ELFN2: variants seen among roughly 807,000 people sequenced by gnomAD.
The protein encoded by ELFN2 is extracellular leucine rich repeat and fibronectin type III domain containing 2.
A neutral mutation model predicts 45.5 loss-of-function variants in ELFN2; 17 were observed. The ratio of observed to expected loss-of-function variants is 0.37; its 90% CI spans 0.26 to 0.56. The LOEUF (loss-of-function observed/expected upper bound fraction) is 0.56. Ranked by LOEUF, ELFN2 falls within the 20% of genes least tolerant of loss-of-function variation. ELFN2 has a pLI of 0.77. For missense variants in ELFN2, 922 were observed against 1,183.2 expected (o/e 0.78, Z 3.24); for synonymous variants, 550 against 551.5 (o/e 1.00, Z 0.04).
intron 1 of ELFN2, among the ~76,000 whole-genome samples, chr22:37,358,404 G>A (rs1931000690): frequency 6.6e-6 from 1 of 152,206 alleles, no homozygotes; most frequent in Non-Finnish European, 1.5e-5. Context: ...AGGTCCGCCG[G>A]GGCGAGCCTC....
chr22:37,345,699 C>T lies in ELFN2; in HGVS notation n.149-2996G>A, dbSNP rs192234179. Among the ~76,000 whole-genome samples, 495 of 152,218 alleles carry T rather than the reference C, an allele frequency of 3.3e-3. 4 individuals are homozygous for T. Among genetic ancestry groups the T allele is most frequent in the African/African-American group, 0.011 (470 of 41,520 alleles). On this transcript the variant is annotated intron_variant and non_coding_transcript_variant, in intron 1 of 2. Transcript: ENST00000452946. Reference sequence around the variant, plus strand: ...AGTAGCTGGGACTAGAGGTGCGTGCCACCACGCCCAGCTAATTTTTGTATT... The same window carrying T: ...AGTAGCTGGGACTAGAGGTGCGTGCTACCACGCCCAGCTAATTTTTGTATT...
At chr22:37,411,615 GC>G (rs1388472788) in intron 2 of ELFN2, among the ~76,000 whole-genome samples, 10 of 152,106 alleles carry the variant, frequency 6.6e-5, no homozygotes, top group African/African-American at 2.2e-4. Flanking sequence ...CTTCATCTCT[GC>G]CTCCCAGCTT....
rs980701150 is a variant in ELFN2, at chr22:37,427,442, C to CTGTG, written c.-762_-759dup. ...TGGCCGTGGGGTGGCCCGCGTGTGT[C>CTGTG]TGTGTGTGTGTCTGGGAGCGCGCGT... is the stretch of plus-strand genomic sequence containing the variant. On this transcript the variant is annotated 5_prime_UTR_variant, in exon 1 of 3. Coordinates refer to ENST00000402918, the MANE Select transcript of ELFN2 (RefSeq NM_052906.5). 2.6e-5 allele frequency: 4 copies of CTGTG among 152,808 alleles called. No individual in the cohort carries two copies. Among genetic ancestry groups the CTGTG allele is most frequent in the Non-Finnish European group, 4.4e-5 (3 of 68,570 alleles). 9.5% of individuals were successfully genotyped at this position (152,808 alleles called of 1,614,324 possible).
chr22:37,405,089 C>CTTTTTTT lies in ELFN2; in HGVS notation c.-463+12679_-463+12680insAAAAAAA, dbSNP rs1491573989. Reference sequence around the variant, plus strand: ...GGCCCCTCACCTCCCTGAACCTCAGCATTTTTTTTTTTTTTTTTTTTTTGA... The same window carrying CTTTTTTT: ...GGCCCCTCACCTCCCTGAACCTCAGCTTTTTTTATTTTTTTTTTTTTTTTTTTTTTGA... On this transcript the variant is annotated intron_variant, in intron 2 of 2. Transcript: ENST00000402918. Among the ~76,000 whole-genome samples, 131 of 121,492 alleles carry CTTTTTTT rather than the reference C, an allele frequency of 1.1e-3. 8 individuals are homozygous for CTTTTTTT. Among genetic ancestry groups the CTTTTTTT allele is most frequent in the Middle Eastern group, 4.7e-3 (1 of 212 alleles). The allele number at this position is 121,492 out of a possible 152,430, so 79.7% of individuals were successfully genotyped here. A position where few individuals can be genotyped will look rare whatever the true frequency, so the allele number is the denominator to read the frequency against.
chr22:37,342,187 G>A (rs572799151), intron 2 of ELFN2, among the ~76,000 whole-genome samples: 14 of 152,288 alleles, frequency 9.2e-5, no homozygotes, highest in South Asian at 8.3e-4. Context: ...GAAGAGGCAC[G>A]GAGAAGCGGA....
chr22:37,362,262 T>C (rs1444676451), intron 1 of ELFN2, among the ~76,000 whole-genome samples: 1 of 152,202 alleles, frequency 6.6e-6, no homozygotes, highest in Non-Finnish European at 1.5e-5. Context: ...CCCTTAATCC[T>C]GGTGCCACCT....
chr22:37,345,836 A>G (rs1451793181), intron 1 of ELFN2, among the ~76,000 whole-genome samples: 1 of 151,980 alleles, frequency 6.6e-6, no homozygotes, highest in African/African-American at 2.4e-5. Flanking sequence ...ATGAGCCACC[A>G]CACCCGGCCA....
chr22:37,374,742 C>G lies in ELFN2; in HGVS notation c.793G>C (p.Ala265Pro). 1 of 1,611,210 alleles carries G rather than the reference C, an allele frequency of 6.2e-7. No homozygotes were observed. The highest frequency in any genetic ancestry group is 8.5e-7 in the Non-Finnish European group (1 of 1,179,012). Residue 265 changes from alanine to proline, a missense_variant, in exon 3 of 3, where the codon GCC becomes CCC. By Grantham distance (27) the Ala-to-Pro change is conservative (BLOSUM62 -1). Coordinates refer to ENST00000402918, the MANE Select transcript of ELFN2 (RefSeq NM_052906.5). The stretch of plus-strand genomic sequence containing the variant: ...GAGTTCTCGTCTGGCTCCCTCTGGG[C>G]GTCGGTGGAGTAGGGCGTGGGGTGG... ...VSHPTPYSTD[A>P]QREPDENSGF...
chr22:37,359,274 G>A (rs1931023678), intron 1 of ELFN2, among the ~76,000 whole-genome samples: 1 of 152,270 alleles, frequency 6.6e-6, no homozygotes, highest in Non-Finnish European at 1.5e-5. Context: ...GACTCAGATG[G>A]TGTGAGGTCG....
In ELFN2 at chr22:37,399,063, T is replaced by C. The variant is rs5756664; in HGVS notation, c.-463+18706A>G. Among the ~76,000 whole-genome samples the C allele has an allele frequency of 4.5e-4, 68 of 152,184 alleles. No homozygotes were observed. The East Asian group carries it at 0.012, about 27-fold the overall frequency. Reference sequence around the variant, plus strand: ...GGCCCGGAGGGAGCTCAGGGGCCTCTGGTGTCCTCCCCAGACTCCTGGATC... The same window carrying C: ...GGCCCGGAGGGAGCTCAGGGGCCTCCGGTGTCCTCCCCAGACTCCTGGATC... On this transcript the variant is annotated intron_variant, in intron 2 of 2. Transcript: ENST00000402918.
rs1051424881 is a variant in ELFN2, at chr22:37,359,406, C to T, written n.149-16703G>A. On this transcript the variant is annotated intron_variant and non_coding_transcript_variant, in intron 1 of 2. Coordinates refer to ENST00000452946, the Ensembl canonical transcript of ELFN2. Reference sequence around the variant, plus strand: ...CACTCCCCTCTTCCTTTACCCCACTCGGAGGTTCTCCTGGCTCTCTCCTTC... The same window carrying T: ...CACTCCCCTCTTCCTTTACCCCACTTGGAGGTTCTCCTGGCTCTCTCCTTC... Among the ~76,000 whole-genome samples the T allele has an allele frequency of 9.2e-5, 14 of 152,282 alleles. No individual in the cohort carries two copies. The South Asian group carries it at 1.5e-3, about 16-fold the overall frequency.
intron 1 of ELFN2, among the ~76,000 whole-genome samples, chr22:37,362,498 G>A (rs568547123): frequency 3.1e-4 from 47 of 152,310 alleles, no homozygotes; most frequent in African/African-American, 1.1e-3. Context: ...TGACAGGGCC[G>A]GCACAGGCCC....
chr22:37,419,246 C>G (rs573940796), intron 1 of ELFN2, among the ~76,000 whole-genome samples: 2 of 151,948 alleles, frequency 1.3e-5, no homozygotes, highest in African/African-American at 4.8e-5. Context: ...AGGAAAGGCT[C>G]CCAGGCCTAG....
At position 37,422,948 on chromosome 22, in the gene ELFN2, G is replaced by C. The variant is rs1050013597; in HGVS notation, c.-614+4350C>G. Among the ~76,000 whole-genome samples, 910 of 133,420 alleles carry C rather than the reference G, an allele frequency of 6.8e-3. 23 individuals are homozygous for C. The highest frequency in any genetic ancestry group is 9.3e-3 in the Non-Finnish European group (594 of 63,906). The allele number at this position is 133,420 out of a possible 152,430, so 87.5% of individuals were successfully genotyped here. A position where few individuals can be genotyped will look rare whatever the true frequency, so the allele number is the denominator to read the frequency against. On this transcript the variant is annotated intron_variant, in intron 1 of 2. Coordinates refer to ENST00000402918, the MANE Select transcript of ELFN2 (RefSeq NM_052906.5). ...ATATTGAGGAAACTGGGCCTCGGGG[G>C]GGGGGGGGGAAGTGACTTGCCCAGG...
intron 1 of ELFN2, among the ~76,000 whole-genome samples, chr22:37,349,203 C>T (rs1930766530): frequency 6.6e-6 from 1 of 151,276 alleles, no homozygotes; most frequent in African/African-American, 2.4e-5. Flanking sequence ...CCAGCCCCGC[C>T]ACTTAGCTGT....
intron 2 of ELFN2, among the ~76,000 whole-genome samples, chr22:37,379,162 G>A (rs776004510): frequency 6.6e-5 from 10 of 152,206 alleles, no homozygotes; most frequent in South Asian, 4.1e-4. Context: ...GAGAAAGCGC[G>A]TCTGAGACAG....
chr22:37,412,901 T>G (rs1469436200), intron 2 of ELFN2, among the ~76,000 whole-genome samples: 1 of 152,134 alleles, frequency 6.6e-6, no homozygotes, highest in African/African-American at 2.4e-5. Context: ...GGAGTGGGCC[T>G]GGGCCAGGCA....
intron 2 of ELFN2, among the ~76,000 whole-genome samples, chr22:37,387,839 C>CTGG (rs1447733232): frequency 6.6e-6 from 1 of 152,016 alleles, no homozygotes; most frequent in Non-Finnish European, 1.5e-5. Flanking sequence ...AATGTCAGCT[C>CTGG]TGGGCTGACC....
chr22:37,417,590 C>A lies in ELFN2; in HGVS notation c.-463+179G>T, dbSNP rs910823421. ...GCCGCTCTGCAGGCCGCCTCATAGG[C>A]CCTGTGGAAGGAAAGCTGGGTGGGA... On this transcript the variant is annotated intron_variant, in intron 2 of 2. Coordinates refer to ENST00000402918, the MANE Select transcript of ELFN2 (RefSeq NM_052906.5). This position sits in a 1 kb window ranked among gnomAD's most constrained non-coding sequence, Gnocchi z 4.5. Among the ~76,000 whole-genome samples the A allele has an allele frequency of 2.0e-5, 3 of 152,226 alleles. No individual in the cohort carries two copies.
Sources: allele counts gnomAD v4.1 joint callset (sites outside exome capture counted in the v4.1 genomes callset), GRCh38; gene constraint gnomAD v4.1.1; non-coding constraint Gnocchi (gnomAD v3.1); transcripts MANE v1.5; gene names NCBI Gene and HGNC (gene_info 2026-07-23, HGNC 2026-07-21).